The following DMD variants were observed in gnomAD, a reference collection of about 807,000 sequenced individuals.
The protein encoded by DMD is dystrophin, also known as mutant dystrophin.
In DMD, 63 loss-of-function variants were observed where a neutral mutation model predicts 330.1. The ratio of observed to expected loss-of-function variants is 0.19; its 90% CI spans 0.16 to 0.24. The LOEUF is 0.24. DMD is among the 10% of genes least tolerant of loss of function. The probability of loss-of-function intolerance (pLI) is 1.00; values close to 1 mark genes in which losing one functional copy is unlikely to be tolerated. For missense variants in DMD, 3,344 were observed against 2,684.1 expected (o/e 1.25, Z -5.43); for synonymous variants, 1,223 against 959.8 (o/e 1.27, Z -5.07).
intron 1 of DMD, among the ~76,000 whole-genome samples, chrX:33,295,938 T>A (rs994056844): frequency 9.0e-6 from 1 of 111,711 alleles, no homozygotes; most frequent in East Asian, 2.8e-4. Context: ...CCATGGGGGA[T>A]GAGCTAATAT....
At chrX:31,686,770 C>G (rs1367000378) in intron 52 of DMD, among the ~76,000 whole-genome samples, 1 of 111,321 alleles carries the variant, frequency 9.0e-6, no homozygotes, top group Admixed American at 9.6e-5. Context: ...AATTTAGAAA[C>G]GTCCCTCTAT....
At chrX:31,857,235 C>T (rs762367249) in intron 48 of DMD, among the ~76,000 whole-genome samples, 86 of 107,808 alleles carry the variant, frequency 8.0e-4, no homozygotes, top group African/African-American at 2.8e-3. Context: ...AAAAATTAGC[C>T]GGGTGTGGTG....
At chrX:31,559,640 CAAAAAAAAAAA>C (rs1167550498) in intron 55 of DMD, among the ~76,000 whole-genome samples, 1 of 21,620 alleles carries the variant, frequency 4.6e-5, no homozygotes. Context: ...AACTCCGTCT[CAAAAAAAAAAA>C]AAAAAAAAAA....
At chrX:32,614,271 A>G (rs776730679) in intron 12 of DMD, 32 bp downstream of exon 12, 39 of 1,201,296 alleles carry the variant, frequency 3.2e-5, no homozygotes, top group Non-Finnish European at 4.3e-5. Flanking sequence ...TTTGCTTTCT[A>G]GTAGAAAGCA....
intron 2 of DMD, among the ~76,000 whole-genome samples, chrX:32,885,302 G>C (rs1422891745): frequency 9.0e-6 from 1 of 111,392 alleles, no homozygotes; most frequent in South Asian, 3.8e-4. Flanking sequence ...AGAGGTTTCA[G>C]GCTGCTTCCT....
chrX:31,687,266 T>C (rs754220034), intron 52 of DMD, among the ~76,000 whole-genome samples: 1 of 111,016 alleles, frequency 9.0e-6, no homozygotes, highest in Non-Finnish European at 1.9e-5. Context: ...GAAAGACCCC[T>C]TCTGTTTGAG....
In DMD at chrX:32,485,482, C is replaced by G. The variant is rs745377625; in HGVS notation, c.2623-383G>C. Among the ~76,000 whole-genome samples, 65 of 110,391 alleles carry G rather than the reference C, an allele frequency of 5.9e-4. 1 individual carries two copies. The highest frequency in any genetic ancestry group is 2.1e-3 in the African/African-American group (65 of 30,454). ...ATGTGCGCTTGCTTCAAATTTTAAGCTCACTCAATGAACAATATTTTCTCT... is the reference window on the plus strand; with the variant it reads ...ATGTGCGCTTGCTTCAAATTTTAAGGTCACTCAATGAACAATATTTTCTCT... On this transcript the variant is annotated intron_variant, in intron 20 of 78. Coordinates refer to ENST00000357033, the MANE Select transcript of DMD (RefSeq NM_004006.3).
chrX:32,299,737 C>T, intron 42 of DMD, among the ~76,000 whole-genome samples: 1 of 110,806 alleles, frequency 9.0e-6, no homozygotes, highest in Non-Finnish European at 1.9e-5. Context: ...AATAATACAG[C>T]CTTCCTTGTA....
chrX:32,518,948 T>C (rs191494851), intron 17 of DMD, among the ~76,000 whole-genome samples: 1 of 108,191 alleles, frequency 9.2e-6, no homozygotes, highest in Non-Finnish European at 1.9e-5. Flanking sequence ...TTGGTGTGAG[T>C]TGTTATGCTG....
intron 13 of DMD, among the ~76,000 whole-genome samples, chrX:32,575,255 A>G (rs982882963): frequency 9.0e-6 from 1 of 111,266 alleles, no homozygotes; most frequent in Non-Finnish European, 1.9e-5. Flanking sequence ...TGTTTAATCT[A>G]TCACCACTTA....
chrX:31,749,022 A>C lies in DMD; in HGVS notation c.7543-19274T>G, dbSNP rs944378133. On this transcript the variant is annotated intron_variant, in intron 51 of 78. Coordinates refer to ENST00000357033, the MANE Select transcript of DMD (RefSeq NM_004006.3). ...CTCTACCTAGCTGGGTACTATATTC[A>C]TTTTTTTACACATGAGGAAATAAGC... is the stretch of plus-strand genomic sequence containing the variant. 2.7e-5 allele frequency among the ~76,000 whole-genome samples: 3 copies of C among 110,582 alleles called. No individual in the cohort carries two copies. The Admixed American group carries it at 2.9e-4, about 11-fold the overall frequency.
intron 1 of DMD, among the ~76,000 whole-genome samples, chrX:33,310,046 T>G (rs2053825798): frequency 9.0e-6 from 1 of 110,857 alleles, no homozygotes; most frequent in Admixed American, 9.7e-5. Flanking sequence ...GGTAACAAAG[T>G]TAAAACCAAG....
chrX:33,056,430 G>A (rs2148042477), intron 1 of DMD, among the ~76,000 whole-genome samples: 1 of 108,156 alleles, frequency 9.2e-6, no homozygotes, highest in South Asian at 4.0e-4. Flanking sequence ...GCACGATCTC[G>A]GCTCACTGCA....
intron 2 of DMD, among the ~76,000 whole-genome samples, chrX:32,996,548 C>T (rs1383326141): frequency 9.0e-6 from 1 of 111,592 alleles, no homozygotes; most frequent in African/African-American, 3.3e-5. Context: ...GCTTGATGGC[C>T]GCGGTGGCTC....
At chrX:32,464,554 T>C (rs752186117) in intron 24 of DMD, 32 bp downstream of exon 24, 2 of 1,023,986 alleles carry the variant, frequency 2.0e-6, no homozygotes, top group Non-Finnish European at 2.8e-6. Context: ...TACAAAATTA[T>C]TCATATTAAA....
chrX:32,695,616 G>C (rs1251932664), intron 9 of DMD, among the ~76,000 whole-genome samples: 2 of 110,941 alleles, frequency 1.8e-5, no homozygotes, highest in Non-Finnish European at 3.8e-5. Flanking sequence ...AGATATTAGT[G>C]GATATCAAGG....
At chrX:32,755,649 G>C (rs1170795507) in intron 7 of DMD, among the ~76,000 whole-genome samples, 2 of 111,893 alleles carry the variant, frequency 1.8e-5, no homozygotes, top group Non-Finnish European at 3.8e-5. Flanking sequence ...TGCTTGCCAG[G>C]TATAAAATAT....
intron 44 of DMD, among the ~76,000 whole-genome samples, chrX:31,995,443 T>C (rs1005837448): frequency 8.9e-6 from 1 of 112,255 alleles, no homozygotes; most frequent in South Asian, 3.7e-4. Context: ...ATTACCTTTA[T>C]AATAAGAAAA....
chrX:32,478,651 T>G (rs757518808), intron 21 of DMD, among the ~76,000 whole-genome samples: 72 of 111,939 alleles, frequency 6.4e-4, no homozygotes, highest in African/African-American at 2.3e-3. Flanking sequence ...AGGATCTTTG[T>G]GATTGGGAAT....
Sources: gnomAD v4.1 joint callset for allele counts (sites outside exome capture counted in the v4.1 genomes callset) on GRCh38, gnomAD v4.1.1 for gene constraint, MANE v1.5 for transcripts, NCBI Gene and HGNC (gene_info 2026-07-23, HGNC 2026-07-21) for gene names.